ABTB3: variants seen among roughly 807,000 people sequenced by gnomAD.
ABTB3 encodes the protein ankyrin repeat and BTB domain containing 3.
At chr12:107,520,411 G>A in the ABTB3 span, 41 of 1,550,136 alleles carry the variant, frequency 2.6e-5, no homozygotes, top group African/African-American at 5.0e-4. Flanking sequence ...TGTGCAAGAT[G>A]TTGCACCCTT....
chr12:107,401,958 A>C, the ABTB3 span, among the ~76,000 whole-genome samples: 2 of 120,876 alleles, frequency 1.7e-5, no homozygotes, highest in Non-Finnish European at 1.6e-5. Context: ...TTGCTTCCCT[A>C]CCCTCTGCCC....
chr12:107,398,964 G>A, the ABTB3 span, among the ~76,000 whole-genome samples: 28 of 152,212 alleles, frequency 1.8e-4, 1 homozygote, highest in South Asian at 1.2e-3. Flanking sequence ...GCATGGGGTC[G>A]GGATAGGGGG....
the ABTB3 span, among the ~76,000 whole-genome samples, chr12:107,491,415 C>G: frequency 6.6e-6 from 1 of 152,180 alleles, no homozygotes; most frequent in South Asian, 2.1e-4. Flanking sequence ...ATAGCCAGCC[C>G]TTCCCTTCAT....
At chr12:107,369,710 T>G in the ABTB3 span, among the ~76,000 whole-genome samples, 35 of 6,522 alleles carry the variant, frequency 5.4e-3, 2 homozygotes, top group South Asian at 0.012. Context: ...AAACATGGTT[T>G]TTTTTTTTTT....
chr12:107,479,053 G>T, the ABTB3 span, among the ~76,000 whole-genome samples: 1 of 152,164 alleles, frequency 6.6e-6, no homozygotes, highest in African/African-American at 2.4e-5. Context: ...CTTTGAGAAT[G>T]AACAGGTTTT....
the ABTB3 span, among the ~76,000 whole-genome samples, chr12:107,637,217 C>T: frequency 7.9e-5 from 12 of 152,120 alleles, no homozygotes; most frequent in African/African-American, 2.4e-4. Flanking sequence ...ATGGTGAAAC[C>T]ATGTCTCTAC....
the ABTB3 span, among the ~76,000 whole-genome samples, chr12:107,376,134 C>T: frequency 6.6e-6 from 1 of 152,182 alleles, no homozygotes; most frequent in Non-Finnish European, 1.5e-5. Context: ...TTGCTCCCCT[C>T]CTCGAAGATG....
chr12:107,432,572 CT>C, the ABTB3 span, among the ~76,000 whole-genome samples: 1 of 152,158 alleles, frequency 6.6e-6, no homozygotes, highest in African/African-American at 2.4e-5. Context: ...GTGCCAGTGC[CT>C]AGCTTCATGG....
chr12:107,464,943 C>T, the ABTB3 span, among the ~76,000 whole-genome samples: 1 of 140,638 alleles, frequency 7.1e-6, no homozygotes, highest in Non-Finnish European at 1.5e-5. Context: ...GACAGCCTCC[C>T]TACCTTACAC....
chr12:107,457,494 G>A, the ABTB3 span, among the ~76,000 whole-genome samples: 1 of 152,210 alleles, frequency 6.6e-6, no homozygotes, highest in Non-Finnish European at 1.5e-5. Flanking sequence ...TGGTGCTGGC[G>A]GGTCCCAGGC....
At chr12:107,346,705 C>T in the ABTB3 span, among the ~76,000 whole-genome samples, 3 of 152,074 alleles carry the variant, frequency 2.0e-5, no homozygotes, top group Non-Finnish European at 4.4e-5. Context: ...GTGATCTGCC[C>T]GCCTCAGCCT....
the ABTB3 span, among the ~76,000 whole-genome samples, chr12:107,469,851 C>T: frequency 1.4e-5 from 2 of 139,392 alleles, no homozygotes; most frequent in African/African-American, 2.6e-5. Flanking sequence ...CTCTCTCTTT[C>T]TCTTTCTTTC....
chr12:107,469,866 T>TTTCTTTCTTTTTCTTTCTTTC, the ABTB3 span, among the ~76,000 whole-genome samples: 1 of 75,502 alleles, frequency 1.3e-5, no homozygotes, highest in African/African-American at 4.8e-5. Context: ...TCTTTCTTTC[T>TTTCTTTCTTTTTCTTTCTTTC]TTTCTTTCTT....
chr12:107,513,570 CG>C, the ABTB3 span, among the ~76,000 whole-genome samples: 41 of 152,156 alleles, frequency 2.7e-4, no homozygotes, highest in Non-Finnish European at 5.3e-4. Context: ...CCCAGCAATG[CG>C]GAACTGTGAG....
chr12:107,541,915 A>G, the ABTB3 span, among the ~76,000 whole-genome samples: 1 of 135,232 alleles, frequency 7.4e-6, no homozygotes, highest in African/African-American at 2.8e-5. Context: ...CCTAAAATAA[A>G]AGTTGGAAAG....
At chr12:107,616,303 G>A in the ABTB3 span, among the ~76,000 whole-genome samples, 4 of 152,196 alleles carry the variant, frequency 2.6e-5, no homozygotes, top group African/African-American at 7.2e-5. Flanking sequence ...CAGCGATCAC[G>A]GAGTGCCAAG....
At chr12:107,581,973 C>T in the ABTB3 span, among the ~76,000 whole-genome samples, 3 of 152,172 alleles carry the variant, frequency 2.0e-5, no homozygotes, top group African/African-American at 7.2e-5. Context: ...TTCCCGACTC[C>T]CCCCACTCCC....
chr12:107,483,254 G>T, the ABTB3 span, among the ~76,000 whole-genome samples: 1 of 152,074 alleles, frequency 6.6e-6, no homozygotes, highest in Non-Finnish European at 1.5e-5. Context: ...TGTTGTCCAG[G>T]CTGGTCTCAA....
chr12:107,401,806 C>A, the ABTB3 span, among the ~76,000 whole-genome samples: 1 of 151,576 alleles, frequency 6.6e-6, no homozygotes, highest in Non-Finnish European at 1.5e-5. Flanking sequence ...ACATAATAAG[C>A]AAAATAATAA....
Sources: gnomAD v4.1 joint callset for allele counts (sites outside exome capture counted in the v4.1 genomes callset) on GRCh38, gnomAD v4.1.1 for gene constraint, MANE v1.5 for transcripts, NCBI Gene and HGNC (gene_info 2026-07-23, HGNC 2026-07-21) for gene names.